DUSP10: variants seen among roughly 807,000 people sequenced by gnomAD.
DUSP10 encodes the protein dual specificity phosphatase 10.
Under a neutral mutation model 30.8 loss-of-function variants are expected in DUSP10, and 14 were observed. The ratio of observed to expected loss-of-function variants is 0.46; its 90% CI spans 0.30 to 0.71. The LOEUF is 0.71. Among genes scored for constraint, DUSP10 ranks in the 30% least tolerant of loss-of-function variants. The probability of loss-of-function intolerance (pLI) is 0.08; values close to 1 mark genes in which losing one functional copy is unlikely to be tolerated. For missense variants in DUSP10, 550 were observed against 619.4 expected, an observed-to-expected ratio of 0.89 and a Z score of 1.19; for synonymous variants, 254 against 250.4, an observed-to-expected ratio of 1.01 and a Z score of -0.14.
chr1:221,736,666 T>C (rs975297169), intron 2 of DUSP10, among the ~76,000 whole-genome samples: 2 of 152,218 alleles, frequency 1.3e-5, no homozygotes, highest in African/African-American at 4.8e-5. Context: ...TATTGACCCA[T>C]TCCTTTCCCT....
intron 2 of DUSP10, among the ~76,000 whole-genome samples, chr1:221,712,039 G>A (rs545936598): frequency 2.6e-4 from 39 of 152,188 alleles, no homozygotes; most frequent in Admixed American, 1.2e-3. Flanking sequence ...GTGGGGTGGT[G>A]GTGGGTACCA....
chr1:221,706,732 G>A lies in DUSP10; in HGVS notation c.812-266C>T, dbSNP rs111901549. ...GTGCTCTTTCTACAAATGAGGGCAT[G>A]TTCCCCTAGCAAGAGTTCCACGCGG... On this transcript the variant is annotated intron_variant, in intron 2 of 3. Coordinates refer to ENST00000366899, the MANE Select transcript of DUSP10 (RefSeq NM_007207.6). This position sits in a 1 kb window ranked among gnomAD's most constrained non-coding sequence, Gnocchi z 4.6. Among the ~76,000 whole-genome samples, 237 of 152,306 alleles carry A rather than the reference G, an allele frequency of 1.6e-3. No individual in the cohort carries two copies. Among genetic ancestry groups the A allele is most frequent in the African/African-American group, 5.4e-3 (226 of 41,556 alleles).
chr1:221,739,741 G>T lies in DUSP10; in HGVS notation c.4C>A (p.Pro2Thr). 6.4e-7 allele frequency: 1 copy of T among 1,572,430 alleles called. No homozygotes were observed. The highest frequency in any genetic ancestry group is 8.6e-7 in the Non-Finnish European group (1 of 1,158,332). Residue 2 changes from proline (P) to threonine (T), a missense_variant, in exon 2 of 4, where the codon CCT (proline) becomes ACT (threonine). Pro to Thr is a conservative substitution (Grantham distance 38). Transcript: ENST00000366899. The stretch of plus-strand genomic sequence containing the variant: ...ACCCTGTCGTCTAAAGGAGACGGAG[G>T]CATGAGGAGGCTGAAAACTGGCAAT... The part of the protein sequence containing the change: M[P>T]PSPLDDRVVV...
At chr1:221,739,910 C>G in intron 1 of DUSP10, 123 bp from the exon 2 acceptor site, 1 of 978,362 alleles carries the variant, frequency 1.0e-6, no homozygotes, top group Non-Finnish European at 1.4e-6. Context: ...TGCCCTTTAT[C>G]ATACCATTAT....
intron 3 of DUSP10, among the ~76,000 whole-genome samples, chr1:221,703,364 T>A (rs530575233): frequency 5.1e-4 from 78 of 152,328 alleles, no homozygotes; most frequent in African/African-American, 1.8e-3. Context: ...AGAATTGCTC[T>A]GTACAGGAAC....
At position 221,727,606 on chromosome 1, in the gene DUSP10, C is replaced by G. The variant is rs1661462039; in HGVS notation, c.811+11328G>C. On this transcript the variant is annotated intron_variant, in intron 2 of 3. Transcript: ENST00000366899. ...GCTTGCTGTGCAATGGACTATAATT[C>G]TGTGGTTTTTCAACATTTCTAAAGT... 2.6e-5 allele frequency among the ~76,000 whole-genome samples: 4 copies of G among 152,152 alleles called. No homozygotes were observed. The South Asian group carries it at 8.3e-4, about 31-fold the overall frequency.
At position 221,702,862 on chromosome 1, in the gene DUSP10, C is replaced by T. The variant is rs1660647278; in HGVS notation, c.1184-185G>A. Among the ~76,000 whole-genome samples the T allele has an allele frequency of 6.6e-6, 1 of 152,198 alleles. No homozygotes were observed. The highest frequency in any genetic ancestry group is 1.5e-5 in the Non-Finnish European group (1 of 68,040). Reference sequence around the variant, plus strand: ...CTTATGTCACAACTTCCAGAACTGGCTAAAGTTGATATCAGCACGAACAAG... The same window carrying T: ...CTTATGTCACAACTTCCAGAACTGGTTAAAGTTGATATCAGCACGAACAAG... On this transcript the variant is annotated intron_variant, in intron 3 of 3. Transcript: ENST00000366899. This position sits in a 1 kb window ranked among gnomAD's most constrained non-coding sequence, Gnocchi z 4.5.
At chr1:221,709,335 G>T (rs537261691) in intron 2 of DUSP10, among the ~76,000 whole-genome samples, 1 of 151,966 alleles carries the variant, frequency 6.6e-6, no homozygotes, top group Non-Finnish European at 1.5e-5. Context: ...TGGCGGAGTG[G>T]GGGGAGGAGG....
chr1:221,738,867 C>G, intron 2 of DUSP10, 67 bp downstream of exon 2: 12 of 1,525,902 alleles, frequency 7.9e-6, no homozygotes, highest in Non-Finnish European at 1.1e-5. Context: ...TGCTGTCACT[C>G]TACGAGAAAA....
chr1:221,728,886 G>C (rs1179443323), intron 2 of DUSP10, among the ~76,000 whole-genome samples: 1 of 152,110 alleles, frequency 6.6e-6, no homozygotes. Flanking sequence ...GCAAAAGCAG[G>C]AAATATCATC....
intron 2 of DUSP10, among the ~76,000 whole-genome samples, chr1:221,716,242 CTCA>C (rs1661102618): frequency 6.6e-6 from 1 of 152,200 alleles, no homozygotes; most frequent in Non-Finnish European, 1.5e-5. Context: ...TGATTGAGCA[CTCA>C]TCCCTGCCAG....
At chr1:221,719,531 C>T (rs1661216133) in intron 2 of DUSP10, among the ~76,000 whole-genome samples, 2 of 151,976 alleles carry the variant, frequency 1.3e-5, no homozygotes, top group Admixed American at 6.6e-5. Context: ...AGGGGGAAAA[C>T]AAAACAATTA....
Position 221,702,248 on chromosome 1 carries a change from G to T in DUSP10, c.*164C>A. On this transcript the variant is annotated 3_prime_UTR_variant, in exon 4 of 4. Transcript: ENST00000366899. This position sits in a 1 kb window ranked among gnomAD's most constrained non-coding sequence, Gnocchi z 4.5. ...AATCTCAATGGCATCAAAAGTTATA[G>T]TCTTCTTACACTTGTTAAAAATAAA... The T allele has an allele frequency of 1.3e-6, 1 of 762,390 alleles. No individual in the cohort carries two copies. The highest frequency in any genetic ancestry group is 2.0e-6 in the Non-Finnish European group (1 of 487,824). 47.2% of individuals were successfully genotyped at this position (762,390 alleles called of 1,614,324 possible).
At chr1:221,708,109 A>T (rs1180480126) in intron 2 of DUSP10, among the ~76,000 whole-genome samples, 1 of 152,200 alleles carries the variant, frequency 6.6e-6, no homozygotes, top group African/African-American at 2.4e-5. Flanking sequence ...AAAGAGGGGG[A>T]AGTGGAAAAG....
intron 2 of DUSP10, among the ~76,000 whole-genome samples, chr1:221,712,776 GC>G (rs1231638267): frequency 9.5e-5 from 1 of 10,566 alleles, no homozygotes; most frequent in African/African-American, 9.2e-4. Context: ...ATATAAAGCA[GC>G]AAAAAAAAAA....
chr1:221,716,000 C>T (rs1228125435), intron 2 of DUSP10, among the ~76,000 whole-genome samples: 1 of 151,138 alleles, frequency 6.6e-6, no homozygotes, highest in Non-Finnish European at 1.5e-5. Flanking sequence ...CCTCCCTCCC[C>T]TCCCCTCCCC....
At chr1:221,703,468 C>T (rs551840766) in intron 3 of DUSP10, among the ~76,000 whole-genome samples, 1 of 152,282 alleles carries the variant, frequency 6.6e-6, no homozygotes, top group African/African-American at 2.4e-5. Flanking sequence ...TTCAGCTTCT[C>T]CCCAGAAAAT....
At chr1:221,715,400 C>G (rs1226815548) in intron 2 of DUSP10, among the ~76,000 whole-genome samples, 2 of 152,312 alleles carry the variant, frequency 1.3e-5, no homozygotes, top group East Asian at 3.9e-4. Context: ...TAGAAAAGAG[C>G]TGGGGATTGG....
intron 1 of DUSP10, 95 bp downstream of exon 1, chr1:221,741,876 TACACACACAC>T (rs1386031066): frequency 6.6e-6 from 1 of 152,138 alleles, no homozygotes; most frequent in Non-Finnish European, 1.5e-5. Context: ...CACACACAGA[TACACACACAC>T]AAACACACAC....
Sources: gnomAD v4.1 joint callset for allele counts (sites outside exome capture counted in the v4.1 genomes callset) on GRCh38, gnomAD v4.1.1 for gene constraint, Gnocchi (gnomAD v3.1) non-coding constraint, MANE v1.5 for transcripts, NCBI Gene and HGNC (gene_info 2026-07-23, HGNC 2026-07-21) for gene names.